The following CCDC73 variants were observed in gnomAD, a reference collection of about 807,000 sequenced individuals.
CCDC73 encodes the protein coiled-coil domain containing 73.
A neutral mutation model predicts 116.5 loss-of-function variants in CCDC73; 95 were observed. That is an observed-to-expected ratio of 0.82 (90% CI 0.69 to 0.97). CCDC73 has a LOEUF of 0.97. Ranked by LOEUF, CCDC73 falls within the 50% of genes least tolerant of loss-of-function variation. CCDC73 has a pLI of 0.00. For missense variants in CCDC73, 1,066 were observed against 1,206.8 expected, an observed-to-expected ratio of 0.88 and a Z score of 1.73; for synonymous variants, 398 against 401.3, an observed-to-expected ratio of 0.99 and a Z score of 0.10.
chr11:32,654,969 G>A lies in CCDC73; in HGVS notation c.649C>T (p.Leu217=), dbSNP rs780691849. The change falls in exon 10 of 18, where the codon CTA becomes TTA. Residue 217 remains leucine (L), a synonymous_variant. Transcript: ENST00000335185. The part of the protein sequence containing the change: ...EAEICSLKKE[L]KKAASDLIKS... ...ATCAAGTCTGAGGCTGCTTTTTTTA[G>A]TTCCTTAATAAGAAACATATCAAAC... 1.3e-6 allele frequency: 2 copies of A among 1,585,810 alleles called. No homozygotes were observed. Among genetic ancestry groups the A allele is most frequent in the Admixed American group, 3.9e-5 (2 of 51,822 alleles).
chr11:32,626,118 CA>C (rs1472278725), intron 14 of CCDC73, among the ~76,000 whole-genome samples: 12 of 151,948 alleles, frequency 7.9e-5, no homozygotes, highest in Non-Finnish European at 5.9e-5. Flanking sequence ...AGCTGATAGG[CA>C]ACTTCAGCAA....
chr11:32,798,771 CTT>C (rs1029697146), upstream of CCDC73, among the ~76,000 whole-genome samples: 17 of 152,298 alleles, frequency 1.1e-4, no homozygotes, highest in Admixed American at 9.2e-4. Context: ...CACATGCTCT[CTT>C]GTTTCCCTTT....
chr11:32,644,378 A>C (rs1295579510), intron 12 of CCDC73, among the ~76,000 whole-genome samples: 3 of 152,154 alleles, frequency 2.0e-5, no homozygotes. Flanking sequence ...TACTATACTT[A>C]TTACCTGGGT....
rs181781921 is a variant in CCDC73 at position 32,721,787 on chromosome 11, C to T, written c.136-3640G>A. On this transcript the variant is annotated intron_variant, in intron 2 of 17. Coordinates refer to ENST00000335185, the MANE Select transcript of CCDC73 (RefSeq NM_001008391.4). Reference sequence around the variant, plus strand: ...TAATTTTTTGTATTTTTAGTAGAGACGGGGTTTCACTGTGTTAGCCAGGAT... The same window carrying T: ...TAATTTTTTGTATTTTTAGTAGAGATGGGGTTTCACTGTGTTAGCCAGGAT... 4.4e-3 allele frequency among the ~76,000 whole-genome samples: 661 copies of T among 151,830 alleles called. 11 individuals carry two copies. Among genetic ancestry groups the T allele is most frequent in the African/African-American group, 0.015 (625 of 41,394 alleles).
chr11:32,695,003 G>A (rs1448091873), intron 6 of CCDC73, among the ~76,000 whole-genome samples: 1 of 152,158 alleles, frequency 6.6e-6, no homozygotes, highest in Non-Finnish European at 1.5e-5. Flanking sequence ...GATGCCTTGT[G>A]GTACCCTTCT....
At chr11:32,790,947 TTTAAC>T (rs1183891128) in intron 1 of CCDC73, among the ~76,000 whole-genome samples, 3 of 152,180 alleles carry the variant, frequency 2.0e-5, no homozygotes, top group South Asian at 2.1e-4. Flanking sequence ...AAACACAACT[TTTAAC>T]TAAACTAAAC....
intron 1 of CCDC73, among the ~76,000 whole-genome samples, chr11:32,772,821 T>G (rs1238905980): frequency 6.6e-6 from 1 of 152,136 alleles, no homozygotes; most frequent in Non-Finnish European, 1.5e-5. Context: ...TTGACAAGGA[T>G]GTGAGAAATT....
intron 1 of CCDC73, among the ~76,000 whole-genome samples, chr11:32,770,522 C>A (rs111740236): frequency 2.4e-4 from 37 of 151,846 alleles, no homozygotes; most frequent in African/African-American, 8.5e-4. Flanking sequence ...GTTTCTAGAA[C>A]AAAACAAGGA....
rs187927762 is a variant in CCDC73 at position 32,630,128 on chromosome 11, C to T, written c.1185+5568G>A. Among the ~76,000 whole-genome samples, 5 of 151,972 alleles carry T rather than the reference C, an allele frequency of 3.3e-5. No individual in the cohort carries two copies. In the East Asian group the frequency reaches 9.7e-4, roughly 29 times the overall value. ...AAATAATATATGGTAGGTTTTATAA[C>T]ATATAGAAGTAAAATGTATGATAAC... On this transcript the variant is annotated intron_variant, in intron 14 of 17. Transcript: ENST00000335185.
intron 1 of CCDC73, among the ~76,000 whole-genome samples, chr11:32,772,847 T>G (rs1850502814): frequency 6.6e-6 from 1 of 152,190 alleles, no homozygotes; most frequent in South Asian, 2.1e-4. Flanking sequence ...CTTCATAAAC[T>G]GCTGGTGGGA....
chr11:32,677,844 C>T (rs1856102974), intron 7 of CCDC73, among the ~76,000 whole-genome samples: 1 of 148,732 alleles, frequency 6.7e-6, no homozygotes, highest in South Asian at 2.1e-4. Flanking sequence ...CCCAGCTACT[C>T]AGGAGGCTGA....
intron 9 of CCDC73, among the ~76,000 whole-genome samples, chr11:32,663,842 G>C (rs1336591159): frequency 1.3e-5 from 2 of 152,124 alleles, no homozygotes; most frequent in Non-Finnish European, 2.9e-5. Context: ...TTATTATTTT[G>C]AGATACATCC....
chr11:32,775,159 G>C (rs987361832), intron 1 of CCDC73, among the ~76,000 whole-genome samples: 2 of 152,146 alleles, frequency 1.3e-5, no homozygotes, highest in Non-Finnish European at 2.9e-5. Context: ...TCAGCTTTGG[G>C]AGCCAGTGTT....
At chr11:32,717,980 C>T (rs2133332306) in intron 3 of CCDC73, 96 bp downstream of exon 3, 1 of 784,272 alleles carries the variant, frequency 1.3e-6, no homozygotes, top group Non-Finnish European at 2.1e-6. Flanking sequence ...ATTCAATTAC[C>T]TCCACCTTGT....
chr11:32,808,615 GGAGACATAGC>G, the CCDC73 span, among the ~76,000 whole-genome samples: 1 of 151,522 alleles, frequency 6.6e-6, no homozygotes, highest in Non-Finnish European at 1.5e-5. Context: ...CTCCAGCCTA[GGAGACATAGC>G]GAGACTCCGT....
chr11:32,802,500 A>G, the CCDC73 span, among the ~76,000 whole-genome samples: 1 of 152,252 alleles, frequency 6.6e-6, no homozygotes, highest in Non-Finnish European at 1.5e-5. Flanking sequence ...ATAGATGATC[A>G]AGGAAAAAGC....
At chr11:32,760,335 T>A in intron 1 of CCDC73, 77 bp from the exon 2 acceptor site, 2 of 809,922 alleles carry the variant, frequency 2.5e-6, no homozygotes, top group Non-Finnish European at 3.9e-6. Context: ...CATAAAAATA[T>A]AACAACCTGT....
intron 1 of CCDC73, among the ~76,000 whole-genome samples, chr11:32,768,326 G>C (rs1043261548): frequency 6.6e-6 from 1 of 152,186 alleles, no homozygotes; most frequent in Non-Finnish European, 1.5e-5. Context: ...CTGTCATGGG[G>C]TTGGGGGAGT....
chr11:32,788,006 T>TA (rs1301289716), intron 1 of CCDC73, among the ~76,000 whole-genome samples: 2 of 152,218 alleles, frequency 1.3e-5, no homozygotes, highest in African/African-American at 2.4e-5. Context: ...TGATTACACT[T>TA]ACACTCATCA....
Sources: allele counts gnomAD v4.1 joint callset (sites outside exome capture counted in the v4.1 genomes callset), GRCh38; gene constraint gnomAD v4.1.1; transcripts MANE v1.5; gene names NCBI Gene and HGNC (gene_info 2026-07-23, HGNC 2026-07-21).